XKR4: variants seen among roughly 807,000 people sequenced by gnomAD.
XKR4 encodes XK-related protein 4.
Under a neutral mutation model 53.9 loss-of-function variants are expected in XKR4, and 12 were observed. That is an observed-to-expected ratio of 0.22 (90% confidence interval 0.14 to 0.36). The LOEUF is 0.36. Among genes scored for constraint, XKR4 ranks in the 10% least tolerant of loss-of-function variants. The probability of loss-of-function intolerance (pLI) is 1.00; values close to 1 mark genes in which losing one functional copy is unlikely to be tolerated. For missense variants in XKR4, 799 were observed against 859.5 expected, an observed-to-expected ratio of 0.93 and a Z score of 0.88; for synonymous variants, 354 against 362.4, an observed-to-expected ratio of 0.98 and a Z score of 0.26.
intron 1 of XKR4, among the ~76,000 whole-genome samples, chr8:55,244,962 C>T (rs893846104): frequency 1.1e-4 from 17 of 147,864 alleles, no homozygotes; most frequent in Admixed American, 6.2e-4. Flanking sequence ...AGTGTAATAG[C>T]GCGATCTTGG....
chr8:55,399,441 T>C (rs1804568107), intron 2 of XKR4, among the ~76,000 whole-genome samples: 1 of 152,252 alleles, frequency 6.6e-6, no homozygotes, highest in Non-Finnish European at 1.5e-5. Context: ...GCGGTTACAA[T>C]AACTGTGTGA....
At chr8:55,400,498 A>G (rs1351036254) in intron 2 of XKR4, among the ~76,000 whole-genome samples, 1 of 152,038 alleles carries the variant, frequency 6.6e-6, no homozygotes, top group Non-Finnish European at 1.5e-5. Context: ...CTGCTGAATC[A>G]TTTTCTCTTT....
chr8:55,421,263 T>A (rs927360970), intron 2 of XKR4, among the ~76,000 whole-genome samples: 1 of 147,528 alleles, frequency 6.8e-6, no homozygotes, highest in African/African-American at 2.7e-5. Context: ...TCTGGTAGAT[T>A]AAGCAAATTT....
intron 2 of XKR4, among the ~76,000 whole-genome samples, chr8:55,434,246 C>T (rs572419393): frequency 1.3e-5 from 2 of 152,182 alleles, no homozygotes; most frequent in East Asian, 1.9e-4. Flanking sequence ...AAACTTGTAA[C>T]CTAATTGAAT....
chr8:55,245,420 A>T (rs1198675269), intron 1 of XKR4, among the ~76,000 whole-genome samples: 1 of 152,020 alleles, frequency 6.6e-6, no homozygotes, highest in Non-Finnish European at 1.5e-5. Flanking sequence ...ATCCTATATT[A>T]ATATAATATG....
chr8:55,201,859 C>A (rs1817580003), intron 1 of XKR4, among the ~76,000 whole-genome samples: 1 of 152,156 alleles, frequency 6.6e-6, no homozygotes, highest in Admixed American at 6.5e-5. Flanking sequence ...AGGATGGTTT[C>A]CAATCAATAT....
At position 55,402,057 on chromosome 8, in the gene XKR4, G is replaced by C. The variant is rs144857749; in HGVS notation, c.1006+44180G>C. ...GTCTGGCTAATAATAGATGATTCTT[G>C]TATCTCCTTCTGTATTCAATCTGTT... On this transcript the variant is annotated intron_variant, in intron 2 of 2. Transcript: ENST00000327381. Among the ~76,000 whole-genome samples the C allele has an allele frequency of 4.1e-4, 62 of 152,254 alleles. No individual in the cohort carries two copies. The East Asian group carries it at 0.01, about 25-fold the overall frequency.
intron 1 of XKR4, among the ~76,000 whole-genome samples, chr8:55,189,301 G>A (rs1360668078): frequency 6.6e-6 from 1 of 152,166 alleles, no homozygotes; most frequent in Non-Finnish European, 1.5e-5. Flanking sequence ...TTTCAAAGAT[G>A]TAGTTCTGAA....
chr8:55,272,587 C>G (rs1818707210), intron 1 of XKR4, among the ~76,000 whole-genome samples: 1 of 152,140 alleles, frequency 6.6e-6, no homozygotes, highest in Admixed American at 6.5e-5. Flanking sequence ...GCCAGCCTGC[C>G]CCCAGATCTG....
At chr8:55,284,863 T>C (rs1818887547) in intron 1 of XKR4, among the ~76,000 whole-genome samples, 1 of 152,126 alleles carries the variant, frequency 6.6e-6, no homozygotes, top group Admixed American at 6.5e-5. Flanking sequence ...TCCTTTTCAC[T>C]CACAATCTAC....
At chr8:55,161,557 C>G in intron 1 of XKR4, 1 of 456,336 alleles carries the variant, frequency 2.2e-6, no homozygotes, top group Non-Finnish European at 4.4e-6. Flanking sequence ...ACTACTGCTG[C>G]TGTCTGTCCG....
chr8:55,477,345 C>T (rs1451515553), intron 2 of XKR4, among the ~76,000 whole-genome samples: 1 of 152,138 alleles, frequency 6.6e-6, no homozygotes, highest in East Asian at 1.9e-4. Context: ...AGCTGAGGGT[C>T]CTGTCTGTTA....
At chr8:55,322,705 T>G (rs564035493) in intron 1 of XKR4, among the ~76,000 whole-genome samples, 1 of 152,334 alleles carries the variant, frequency 6.6e-6, no homozygotes, top group African/African-American at 2.4e-5. Context: ...ATTAAGATCT[T>G]AATTTATACT....
rs1173802629 is a variant in XKR4 at position 55,191,559 on chromosome 8, T to C, written c.806+88265T>C. ...AATGGTCTGATGGATATGGCTTTAA[T>C]GTCTATGTAAATAGTCATTAAGTCG... On this transcript the variant is annotated intron_variant, in intron 1 of 2. Transcript: ENST00000327381. Among the ~76,000 whole-genome samples, 4 of 152,304 alleles carry C rather than the reference T, an allele frequency of 2.6e-5. No individual in the cohort carries two copies. In the East Asian group the frequency reaches 7.7e-4, roughly 29 times the overall value.
At chr8:55,147,262 TCAGAAAATAA>T (rs570262078) in intron 1 of XKR4, among the ~76,000 whole-genome samples, 8 of 152,140 alleles carry the variant, frequency 5.3e-5, no homozygotes, top group African/African-American at 1.9e-4. Flanking sequence ...AAATAACTCT[TCAGAAAATAA>T]CAGAAAATGT....
intron 2 of XKR4, chr8:55,449,422 G>T: frequency 1.5e-6 from 1 of 681,278 alleles, no homozygotes; most frequent in Non-Finnish European, 2.6e-6. Context: ...GGCCGGGCCG[G>T]GGCTGTAAAC....
At chr8:55,151,126 A>T (rs1309981381) in intron 1 of XKR4, among the ~76,000 whole-genome samples, 1 of 152,246 alleles carries the variant, frequency 6.6e-6, no homozygotes, top group East Asian at 1.9e-4. Context: ...CTCAAGCTAT[A>T]GGTAATACAC....
In XKR4 at chr8:55,102,469, T is replaced by A. The variant is rs1816058310; in HGVS notation, c.-20T>A. ...AAAGGTGTCAGATAAAGGAGGGCTC[T>A]CCTCCGGTGTGGAGGCATCATGGCC... is the stretch of plus-strand genomic sequence containing the variant. On this transcript the variant is annotated 5_prime_UTR_variant, in exon 1 of 3. Transcript: ENST00000327381. This position sits in a 1 kb window ranked among gnomAD's most constrained non-coding sequence, Gnocchi z 5.1. The A allele has an allele frequency of 2.0e-6, 3 of 1,535,030 alleles. No individual in the cohort carries two copies. The highest frequency in any genetic ancestry group is 2.6e-6 in the Non-Finnish European group (3 of 1,135,442).
intron 2 of XKR4, chr8:55,454,298 G>C: frequency 1.4e-6 from 2 of 1,439,716 alleles, no homozygotes; most frequent in Non-Finnish European, 1.9e-6. Context: ...CTGGAAGGCC[G>C]CATTGACCCC....
Sources: allele counts gnomAD v4.1 joint callset (sites outside exome capture counted in the v4.1 genomes callset), GRCh38; gene constraint gnomAD v4.1.1; non-coding constraint Gnocchi (gnomAD v3.1); transcripts MANE v1.5; gene names NCBI Gene and HGNC (gene_info 2026-07-23, HGNC 2026-07-21).